Variants in TRAPPC9 observed in about 807,000 individuals in gnomAD.
TRAPPC9 encodes the protein IKK2 binding protein.
A neutral mutation model predicts 124.0 loss-of-function variants in TRAPPC9; 83 were observed. The observed-to-expected ratio is 0.67, with a 90% CI of 0.56 to 0.80. TRAPPC9 has a LOEUF of 0.80. Ranked by LOEUF, TRAPPC9 falls within the 30% of genes least tolerant of loss-of-function variation. The pLI is 0.00. For missense variants in TRAPPC9, 1,302 were observed against 1,508.3 expected, an observed-to-expected ratio of 0.86 and a Z score of 2.27; for synonymous variants, 638 against 617.5, an observed-to-expected ratio of 1.03 and a Z score of -0.49.
intron 21 of TRAPPC9, among the ~76,000 whole-genome samples, chr8:139,873,765 T>G (rs2131053115): frequency 6.6e-6 from 1 of 152,348 alleles, no homozygotes; most frequent in South Asian, 2.1e-4. Context: ...TCGGCCATAT[T>G]CCTGTCCTTT....
At position 140,310,836 on chromosome 8, in the gene TRAPPC9, C is replaced by T. The variant is rs1438838296; in HGVS notation, c.1622+412G>A. Among the ~76,000 whole-genome samples, 5 of 151,640 alleles carry T rather than the reference C, an allele frequency of 3.3e-5. No individual in the cohort carries two copies. The South Asian group carries it at 1.0e-3, about 32-fold the overall frequency. On this transcript the variant is annotated intron_variant, in intron 10 of 22. Transcript: ENST00000438773. ...GAGCAAAGGTGGGAGCTGGCAAGTG[C>T]TTGTGTGGGCGAGGAGCTGCCCTGT...
intron 16 of TRAPPC9, among the ~76,000 whole-genome samples, chr8:140,224,114 A>G (rs2063396673): frequency 6.6e-6 from 1 of 152,216 alleles, no homozygotes; most frequent in South Asian, 2.1e-4. Context: ...GAGGTGCCCA[A>G]CTGGCCCCTC....
intron 17 of TRAPPC9, among the ~76,000 whole-genome samples, chr8:140,203,520 A>G (rs2062843405): frequency 6.6e-6 from 1 of 152,190 alleles, no homozygotes; most frequent in African/African-American, 2.4e-5. Flanking sequence ...GAATGCTTCC[A>G]CCTGTGTGAG....
chr8:140,450,257 A>G (rs896448746), intron 2 of TRAPPC9, among the ~76,000 whole-genome samples: 7 of 152,150 alleles, frequency 4.6e-5, no homozygotes, highest in Non-Finnish European at 7.3e-5. Flanking sequence ...GCTACTTGGG[A>G]GGCTGAGGCA....
At chr8:140,363,024 T>C (rs545037272) in intron 8 of TRAPPC9, among the ~76,000 whole-genome samples, 1 of 152,374 alleles carries the variant, frequency 6.6e-6, no homozygotes, top group Admixed American at 6.5e-5. Context: ...ATTTGCAGCA[T>C]ATGACCCAGT....
chr8:140,236,726 A>T (rs2131404055), intron 16 of TRAPPC9, among the ~76,000 whole-genome samples: 1 of 152,378 alleles, frequency 6.6e-6, no homozygotes, highest in South Asian at 2.1e-4. Context: ...TTTTTGAAAG[A>T]CATTTAAAAT....
At chr8:140,023,798 T>C in intron 18 of TRAPPC9, 139 bp downstream of exon 18, 1 of 1,321,206 alleles carries the variant, frequency 7.6e-7, no homozygotes, top group Non-Finnish European at 1.1e-6. Flanking sequence ...AAAACCTACA[T>C]CCCAGAGAGG....
intron 17 of TRAPPC9, among the ~76,000 whole-genome samples, chr8:140,185,723 G>A (rs1395221191): frequency 5.3e-5 from 8 of 152,268 alleles, no homozygotes; most frequent in Admixed American, 3.9e-4. Flanking sequence ...GTGCCACGTG[G>A]TGCAGTGTCG....
At chr8:140,292,049 A>C (rs2065675241) in intron 11 of TRAPPC9, among the ~76,000 whole-genome samples, 1 of 152,232 alleles carries the variant, frequency 6.6e-6, no homozygotes, top group Admixed American at 6.5e-5. Context: ...ATGAGGAAGC[A>C]GATTTGTGTT....
intron 17 of TRAPPC9, among the ~76,000 whole-genome samples, chr8:140,047,444 C>A (rs558774716): frequency 6.6e-6 from 1 of 152,350 alleles, no homozygotes; most frequent in African/African-American, 2.4e-5. Context: ...GCATGGCAGC[C>A]CACAGGGTGA....
intron 17 of TRAPPC9, among the ~76,000 whole-genome samples, chr8:140,028,561 G>A (rs1840298350): frequency 6.6e-6 from 1 of 152,228 alleles, no homozygotes; most frequent in African/African-American, 2.4e-5. Context: ...AGAGCAACAT[G>A]CCTGCACAGC....
intron 19 of TRAPPC9, among the ~76,000 whole-genome samples, chr8:139,916,808 T>C (rs1018190146): frequency 1.3e-5 from 2 of 152,246 alleles, no homozygotes; most frequent in Non-Finnish European, 1.5e-5. Flanking sequence ...GACATTTAAA[T>C]ACAAATCAAG....
chr8:139,950,966 G>A (rs1360910493), intron 19 of TRAPPC9, among the ~76,000 whole-genome samples: 1 of 152,214 alleles, frequency 6.6e-6, no homozygotes, highest in East Asian at 1.9e-4. Context: ...GGTGAGGTGA[G>A]TCAACCGAGG....
intron 7 of TRAPPC9, among the ~76,000 whole-genome samples, chr8:140,382,909 C>A (rs1023606919): frequency 2.0e-5 from 3 of 152,168 alleles, no homozygotes; most frequent in Admixed American, 2.0e-4. Flanking sequence ...GGGGAGGCAC[C>A]CCCCAGTAGG....
At chr8:140,292,611 T>C (rs2065690974) in intron 11 of TRAPPC9, among the ~76,000 whole-genome samples, 1 of 152,188 alleles carries the variant, frequency 6.6e-6, no homozygotes, top group African/African-American at 2.4e-5. Flanking sequence ...CATGTTGACA[T>C]TGCATAAATT....
chr8:140,295,991 C>A (rs556529231), intron 11 of TRAPPC9, among the ~76,000 whole-genome samples: 1 of 152,314 alleles, frequency 6.6e-6, no homozygotes. Flanking sequence ...GTACTTCTTA[C>A]TATGGTGAGA....
chr8:139,762,542 G>A (rs933202417), intron 21 of TRAPPC9, among the ~76,000 whole-genome samples: 8 of 152,108 alleles, frequency 5.3e-5, no homozygotes, highest in African/African-American at 1.7e-4. Context: ...GTAGACAACG[G>A]CAACACAATG....
chr8:139,826,744 G>C (rs976439027), intron 21 of TRAPPC9, among the ~76,000 whole-genome samples: 2 of 152,156 alleles, frequency 1.3e-5, no homozygotes, highest in Admixed American at 1.3e-4. Flanking sequence ...AGCAAGGTTG[G>C]AAGGGAAGGA....
At chr8:139,868,174 C>G (rs1165631438) in intron 21 of TRAPPC9, among the ~76,000 whole-genome samples, 1 of 152,110 alleles carries the variant, frequency 6.6e-6, no homozygotes, top group Non-Finnish European at 1.5e-5. Flanking sequence ...GCCTGGCCTA[C>G]ATGGTGAAAC....
Sources: gnomAD v4.1 joint callset for allele counts (sites outside exome capture counted in the v4.1 genomes callset) on GRCh38, gnomAD v4.1.1 for gene constraint, MANE v1.5 for transcripts, NCBI Gene and HGNC (gene_info 2026-07-23, HGNC 2026-07-21) for gene names.